Variants in PCDH7 observed in about 807,000 individuals in gnomAD.
The protein encoded by PCDH7 is protocadherin 7.
In PCDH7, 17 loss-of-function variants were observed where a neutral mutation model predicts 58.9. The ratio of observed to expected loss-of-function variants is 0.29; its 90% CI spans 0.20 to 0.43. PCDH7 has a LOEUF of 0.43. Among genes scored for constraint, PCDH7 ranks in the 20% least tolerant of loss-of-function variants. The pLI is 1.00. For missense variants in PCDH7, 1,274 were observed against 1,441.0 expected (o/e 0.88, Z 1.88); for synonymous variants, 664 against 616.4 (o/e 1.08, Z -1.14).
intron 2 of PCDH7, among the ~76,000 whole-genome samples, chr4:30,949,578 A>C (rs1232439742): frequency 6.6e-6 from 1 of 152,164 alleles, no homozygotes; most frequent in African/African-American, 2.4e-5. Flanking sequence ...GACCTCCTCC[A>C]GTATATAGGG....
At chr4:30,894,527 A>T (rs1739123064) in intron 1 of PCDH7, among the ~76,000 whole-genome samples, 4 of 92,328 alleles carry the variant, frequency 4.3e-5, no homozygotes, top group Non-Finnish European at 6.3e-5. Context: ...ACACACACAC[A>T]CACACACACA....
intron 1 of PCDH7, among the ~76,000 whole-genome samples, chr4:30,816,595 T>C (rs1344260107): frequency 6.6e-6 from 1 of 152,096 alleles, no homozygotes; most frequent in Non-Finnish European, 1.5e-5. Context: ...GTTTCATATG[T>C]TTACAATGAT....
chr4:31,027,365 T>G (rs2109179718), intron 3 of PCDH7, among the ~76,000 whole-genome samples: 1 of 152,332 alleles, frequency 6.6e-6, no homozygotes, highest in Non-Finnish European at 1.5e-5. Context: ...TTATTCAGTT[T>G]AAAACTCCTA....
chr4:30,777,829 C>T (rs1202169659), intron 1 of PCDH7, among the ~76,000 whole-genome samples: 1 of 152,014 alleles, frequency 6.6e-6, no homozygotes, highest in Non-Finnish European at 1.5e-5. Context: ...GAATAACAAC[C>T]TAAATCTTTC....
chr4:30,739,915 A>G (rs979114980), intron 1 of PCDH7, among the ~76,000 whole-genome samples: 15 of 152,236 alleles, frequency 9.9e-5, no homozygotes, highest in African/African-American at 1.9e-4. Context: ...TAGTATATCA[A>G]TGATAATATG....
chr4:30,743,409 CAG>C (rs1357619650), intron 1 of PCDH7, among the ~76,000 whole-genome samples: 2 of 150,858 alleles, frequency 1.3e-5, no homozygotes, highest in Non-Finnish European at 2.9e-5. Flanking sequence ...GGATTTTGCT[CAG>C]GGGTTCAAAA....
At chr4:30,901,876 T>C (rs1179475895) in intron 1 of PCDH7, among the ~76,000 whole-genome samples, 1 of 152,156 alleles carries the variant, frequency 6.6e-6, no homozygotes, top group Non-Finnish European at 1.5e-5. Context: ...ATATCAGTGC[T>C]CTTATCAATA....
chr4:30,730,926 A>G, exon 2 of PCDH7: 1 of 1,348,514 alleles, frequency 7.4e-7, no homozygotes. Context: ...TTTATTTTTG[A>G]GTCTTTTTCT....
chr4:30,893,388 T>C (rs1211390660), intron 1 of PCDH7, among the ~76,000 whole-genome samples: 1 of 152,124 alleles, frequency 6.6e-6, no homozygotes, highest in Non-Finnish European at 1.5e-5. Flanking sequence ...TACAGAACTA[T>C]ATATATGGTG....
chr4:30,934,994 T>C (rs1240174175), intron 2 of PCDH7, among the ~76,000 whole-genome samples: 1 of 152,110 alleles, frequency 6.6e-6, no homozygotes, highest in Non-Finnish European at 1.5e-5. Flanking sequence ...CAGTTGGACA[T>C]ATATTTTTTG....
chr4:31,103,733 C>G (rs1715194304), intron 3 of PCDH7, among the ~76,000 whole-genome samples: 1 of 152,284 alleles, frequency 6.6e-6, no homozygotes, highest in Non-Finnish European at 1.5e-5. Context: ...CTATTCCATT[C>G]CCCTCTATGA....
chr4:30,964,638 T>A (rs12505570), intron 3 of PCDH7, among the ~76,000 whole-genome samples: 91,402 of 149,106 alleles, frequency 0.61, 29,215 homozygotes, highest in African/African-American at 0.81. Context: ...TTAACCTCCC[T>A]GAGGGCAGAA....
intron 1 of PCDH7, among the ~76,000 whole-genome samples, chr4:30,836,506 C>T (rs1000161759): frequency 4.6e-5 from 7 of 152,126 alleles, no homozygotes; most frequent in African/African-American, 1.7e-4. Context: ...TTATGGAAAT[C>T]CCCTAAGTTG....
intron 1 of PCDH7, among the ~76,000 whole-genome samples, chr4:30,727,567 C>T (rs959987616): frequency 9.2e-5 from 14 of 151,946 alleles, no homozygotes; most frequent in African/African-American, 3.4e-4. Context: ...CCTTTGCTCT[C>T]AGCTAAATAA....
At chr4:31,071,863 C>G (rs984804605) in intron 3 of PCDH7, among the ~76,000 whole-genome samples, 1 of 152,012 alleles carries the variant, frequency 6.6e-6, no homozygotes, top group African/African-American at 2.4e-5. Context: ...ATACAAATGA[C>G]AGGATACATG....
At chr4:30,854,927 A>G (rs149283445) in intron 1 of PCDH7, among the ~76,000 whole-genome samples, 58 of 152,266 alleles carry the variant, frequency 3.8e-4, no homozygotes, top group African/African-American at 1.3e-3. Context: ...AACAGGTATT[A>G]TTATTTATAC....
At chr4:31,038,273 T>C (rs1755574320) in intron 3 of PCDH7, among the ~76,000 whole-genome samples, 1 of 152,236 alleles carries the variant, frequency 6.6e-6, no homozygotes, top group East Asian at 1.9e-4. Flanking sequence ...GCTTTGTTTT[T>C]CTTAAATATT....
intron 1 of PCDH7, among the ~76,000 whole-genome samples, chr4:30,789,245 T>C (rs1723805501): frequency 6.6e-6 from 1 of 152,156 alleles, no homozygotes; most frequent in Non-Finnish European, 1.5e-5. Flanking sequence ...CCTGGCAGAA[T>C]ATTAAAGTGC....
chr4:30,896,889 CTTTTTTTTTTTTTTTTTTTT>C (rs71190474), intron 1 of PCDH7, among the ~76,000 whole-genome samples: 2 of 27,338 alleles, frequency 7.3e-5, no homozygotes, highest in South Asian at 1.8e-3. Flanking sequence ...TAGTTCTTTG[CTTTTTTTTTTTTTTTTTTTT>C]TTTTTTTTTT....
Sources: allele counts gnomAD v4.1 joint callset (sites outside exome capture counted in the v4.1 genomes callset), GRCh38; gene constraint gnomAD v4.1.1; transcripts MANE v1.5; gene names NCBI Gene and HGNC (gene_info 2026-07-23, HGNC 2026-07-21).